PAX2: variants seen among roughly 807,000 people sequenced by gnomAD.
PAX2 encodes paired box 2.
In PAX2, 9 loss-of-function variants were observed where a neutral mutation model predicts 41.7. The ratio of observed to expected loss-of-function variants is 0.22; its 90% confidence interval spans 0.13 to 0.38. The LOEUF (loss-of-function observed/expected upper bound fraction) is 0.38. PAX2 is among the 10% of genes least tolerant of loss of function. The probability of loss-of-function intolerance (pLI) is 1.00; values close to 1 mark genes in which losing one functional copy is unlikely to be tolerated. For missense variants in PAX2, 418 were observed against 531.6 expected (o/e 0.79, Z 2.10); for synonymous variants, 221 against 212.7 (o/e 1.04, Z -0.34).
At chr10:100,818,278 C>T (rs1270995777) in intron 7 of PAX2, among the ~76,000 whole-genome samples, 2 of 152,212 alleles carry the variant, frequency 1.3e-5, no homozygotes, top group African/African-American at 4.8e-5. Context: ...TAATAAGTCT[C>T]ATCTGAGCCA....
In PAX2 at chr10:100,828,602, C is replaced by A. The variant is rs575248435; in HGVS notation, c.*983C>A. 32 of 233,020 alleles carry A rather than the reference C, an allele frequency of 1.4e-4. No homozygotes were observed. The highest frequency in any genetic ancestry group is 9.0e-4 in the Admixed American group (16 of 17,782). 14.4% of individuals were successfully genotyped at this position (233,020 alleles called of 1,614,324 possible). ...GTTTCCATAGACTGCGGACTGGGGT[C>A]TTCCTCCAGCAGTTACTTGATGCCC... On this transcript the variant is annotated 3_prime_UTR_variant, in exon 10 of 10. Coordinates refer to ENST00000355243, the MANE Select transcript of PAX2 (RefSeq NM_000278.5). The surrounding 1 kb of genome is among the most constrained non-coding windows in gnomAD (Gnocchi z 6.5).
rs958094212 is a variant in PAX2 at position 100,826,431 on chromosome 10, C to T, written c.1022-578C>T. Among the ~76,000 whole-genome samples, 10 of 152,238 alleles carry T rather than the reference C, an allele frequency of 6.6e-5. No individual in the cohort carries two copies. The highest frequency in any genetic ancestry group is 5.2e-4 in the Admixed American group (8 of 15,284). ...GCTAGCGGACCAGCGGGCAGTCCAC[C>T]TGCGCCGCCTCCATCCCCTGCCGCG... is the stretch of plus-strand genomic sequence containing the variant. On this transcript the variant is annotated intron_variant, in intron 8 of 9. Coordinates refer to ENST00000355243, the MANE Select transcript of PAX2 (RefSeq NM_000278.5). The surrounding 1 kb of genome is among the most constrained non-coding windows in gnomAD (Gnocchi z 5.5).
chr10:100,807,088 C>T (rs1847816654), intron 6 of PAX2, among the ~76,000 whole-genome samples: 1 of 152,118 alleles, frequency 6.6e-6, no homozygotes, highest in Non-Finnish European at 1.5e-5. Flanking sequence ...TCCTGCTCCC[C>T]AAGCCAGCAA....
At position 100,827,050 on chromosome 10, in the gene PAX2, A is replaced by G. The variant is rs775014257; in HGVS notation, c.1063A>G (p.Thr355Ala). ...CAACCCGTACAGCCACCCCCAGTAC[A>G]CGGCCTACAACGAGGCTTGGAGATT... is the stretch of plus-strand genomic sequence containing the variant. ...SGNPYSHPQY[T>A]AYNEAWRFSN... Residue 355 changes from threonine to alanine, a missense_variant, in exon 9 of 10, where the codon ACG (threonine) becomes GCG (alanine). Physicochemically the swap from Thr to Ala is moderately conservative, Grantham distance 58. Transcript: ENST00000355243. This position sits in a 1 kb window ranked among gnomAD's most constrained non-coding sequence, Gnocchi z 8.5. 5.6e-6 allele frequency: 9 copies of G among 1,613,508 alleles called. No homozygotes were observed. Among genetic ancestry groups the G allele is most frequent in the Non-Finnish European group, 7.6e-6 (9 of 1,179,632 alleles).
At position 100,746,246 on chromosome 10, in the gene PAX2, C is replaced by T. The variant is rs1279358523; in HGVS notation, c.-15C>T. 10 of 1,613,724 alleles carry T rather than the reference C, an allele frequency of 6.2e-6. No individual in the cohort carries two copies. The highest frequency in any genetic ancestry group is 3.3e-5 in the South Asian group (3 of 91,080). ...GGCGGCGGCGGCCGCGCTGCTCCCG[C>T]TCCTCTGCCTCCCCATGGATATGCA... On this transcript the variant is annotated 5_prime_UTR_variant, in exon 1 of 10. Coordinates refer to ENST00000355243, the MANE Select transcript of PAX2 (RefSeq NM_000278.5).
chr10:100,802,710 C>T (rs992942801), intron 5 of PAX2, among the ~76,000 whole-genome samples: 2 of 152,156 alleles, frequency 1.3e-5, no homozygotes, highest in African/African-American at 4.8e-5. Context: ...CGGTCCCTGC[C>T]ACAAGGTGCT....
At chr10:100,825,057 C>G in intron 8 of PAX2, 2 of 1,194,832 alleles carry the variant, frequency 1.7e-6, no homozygotes, top group Non-Finnish European at 2.5e-6. Flanking sequence ...TCAGCTCCAC[C>G]CTCAGTGCCC....
intron 7 of PAX2, among the ~76,000 whole-genome samples, chr10:100,811,536 T>C (rs888106723): frequency 6.6e-6 from 1 of 152,168 alleles, no homozygotes; most frequent in African/African-American, 2.4e-5. Flanking sequence ...AGAGTGGACT[T>C]TGGGTGAGTT....
intron 7 of PAX2, among the ~76,000 whole-genome samples, chr10:100,820,612 G>A (rs1298891836): frequency 6.6e-6 from 1 of 152,208 alleles, no homozygotes; most frequent in Non-Finnish European, 1.5e-5. Context: ...CCAGCTACAG[G>A]CTAAGGCATG....
chr10:100,754,024 G>A (rs532732057), intron 3 of PAX2, among the ~76,000 whole-genome samples: 1 of 152,198 alleles, frequency 6.6e-6, no homozygotes, highest in Non-Finnish European at 1.5e-5. Flanking sequence ...GCATGGAGTT[G>A]CCAGCTTTTT....
At chr10:100,804,043 C>T (rs1462359487) in intron 5 of PAX2, among the ~76,000 whole-genome samples, 1 of 152,110 alleles carries the variant, frequency 6.6e-6, no homozygotes. Flanking sequence ...TGAGTTGAGG[C>T]ATGATGTTCA....
intron 3 of PAX2, among the ~76,000 whole-genome samples, chr10:100,769,703 ATTG>A (rs1233275298): frequency 6.6e-6 from 1 of 151,422 alleles, no homozygotes; most frequent in South Asian, 2.1e-4. Flanking sequence ...AGAGTATATT[ATTG>A]TTATTATTAT....
At chr10:100,806,297 G>A in intron 5 of PAX2, 133 bp from the exon 6 acceptor site, 2 of 896,214 alleles carry the variant, frequency 2.2e-6, no homozygotes, top group Non-Finnish European at 3.6e-6. Flanking sequence ...TGGCCCAGGG[G>A]CTGAGAGTAA....
rs780688873 is a variant in PAX2 at position 100,750,875 on chromosome 10, G to T, written c.394G>T (p.Val132Phe). The T allele has an allele frequency of 6.2e-7, 1 of 1,613,880 alleles. No individual in the cohort carries two copies. Among genetic ancestry groups the T allele is most frequent in the Non-Finnish European group, 8.5e-7 (1 of 1,179,792 alleles). Residue 132 changes from valine to phenylalanine, a missense_variant, in exon 3 of 10, where the codon GTC becomes TTC. This residue lies in a region of PAX2 where 108 missense variants were observed against 206.3 expected (regional missense o/e 0.52). Transcript: ENST00000355243. The surrounding 1 kb of genome is among the most constrained non-coding windows in gnomAD (Gnocchi z 4.1). ...CTGTGACAATGACACAGTGCCCAGC[G>T]TCTCTTCCATCAACAGGTGAGCAAG... ...GICDNDTVPS[V>F]SSINRIIRTK...
intron 7 of PAX2, among the ~76,000 whole-genome samples, chr10:100,822,615 T>C (rs1375044962): frequency 1.3e-5 from 2 of 152,190 alleles, no homozygotes; most frequent in Non-Finnish European, 2.9e-5. Context: ...TTATGAAATA[T>C]AATGGCATGG....
At chr10:100,801,682 G>T (rs1199724146) in intron 5 of PAX2, among the ~76,000 whole-genome samples, 3 of 152,234 alleles carry the variant, frequency 2.0e-5, no homozygotes, top group African/African-American at 7.2e-5. Context: ...TGTGCCACAG[G>T]CTGTAGCCTC....
upstream of PAX2, among the ~76,000 whole-genome samples, chr10:100,741,517 C>G (rs918627799): frequency 2.0e-5 from 3 of 151,596 alleles, no homozygotes; most frequent in South Asian, 2.1e-4. Flanking sequence ...GGGCAGGAGC[C>G]GGTCAGGCCT....
chr10:100,801,472 A>G (rs193049717), intron 5 of PAX2, among the ~76,000 whole-genome samples: 6 of 152,380 alleles, frequency 3.9e-5, no homozygotes, highest in African/African-American at 1.4e-4. Flanking sequence ...TTCCAAAAAG[A>G]CCTGTAGTAG....
chr10:100,769,094 G>A (rs549561268), intron 3 of PAX2, among the ~76,000 whole-genome samples: 15 of 152,250 alleles, frequency 9.9e-5, no homozygotes, highest in South Asian at 6.2e-4. Flanking sequence ...ATGGTTAGCC[G>A]CATAAGTTCT....
Sources: gnomAD v4.1 joint callset for allele counts (sites outside exome capture counted in the v4.1 genomes callset) on GRCh38, gnomAD v4.1.1 for gene constraint, gnomAD v4.1.1 regional missense constraint, Gnocchi (gnomAD v3.1) non-coding constraint, MANE v1.5 for transcripts, NCBI Gene and HGNC (gene_info 2026-07-23, HGNC 2026-07-21) for gene names.